Variants in MYOM2 observed in about 807,000 individuals in gnomAD.
MYOM2 encodes myomesin 2.
A neutral mutation model predicts 187.6 loss-of-function variants in MYOM2; 254 were observed. The observed-to-expected ratio is 1.35, with a 90% CI of 1.22 to 1.50. The LOEUF (loss-of-function observed/expected upper bound fraction) is 1.50, where lower values mean the gene tolerates loss of function less well. Among genes scored for constraint, MYOM2 ranks in the 40% most tolerant of loss-of-function variants. MYOM2 has a pLI of 0.00. For missense variants in MYOM2, 2,796 were observed against 1,924.0 expected (o/e 1.45, Z -8.48); for synonymous variants, 981 against 753.8 (o/e 1.30, Z -4.94).
intron 14 of MYOM2, among the ~76,000 whole-genome samples, chr8:2,086,323 CTG>C (rs1796046337): frequency 3.2e-5 from 3 of 92,406 alleles, no homozygotes; most frequent in Non-Finnish European, 6.5e-5. Flanking sequence ...GTCGTGATCT[CTG>C]CGTGGCCCCC....
intron 3 of MYOM2, among the ~76,000 whole-genome samples, chr8:2,054,968 C>A (rs1047775297): frequency 1.2e-4 from 15 of 126,808 alleles, no homozygotes; most frequent in Middle Eastern, 4.1e-3. Flanking sequence ...ACTGGGGGAA[C>A]CAAGTACCTG....
chr8:2,062,948 A>T (rs1303335670), intron 6 of MYOM2, among the ~76,000 whole-genome samples: 1 of 152,228 alleles, frequency 6.6e-6, no homozygotes, highest in Non-Finnish European at 1.5e-5. Flanking sequence ...AACGGAATGG[A>T]CTAATTTGTG....
In MYOM2 at chr8:2,109,410, C is replaced by T. The variant is rs201134786; in HGVS notation, c.3059C>T (p.Ser1020Leu). The change falls in exon 25 of 37, where the codon TCG (serine) becomes TTG (leucine). Residue 1020 changes from serine to leucine, a missense_variant. By Grantham distance (145) the Ser-to-Leu change is moderately radical. Coordinates refer to ENST00000262113, the MANE Select transcript of MYOM2 (RefSeq NM_003970.4). Reference sequence around the variant, plus strand: ...CTTCCTGTAGCAATTCCTCTGAAATCGGAATTAGCTTATGAGATTTTTGAT... The same window carrying T: ...CTTCCTGTAGCAATTCCTCTGAAATTGGAATTAGCTTATGAGATTTTTGAT... ...EIKNPTIPLK[S>L]ELAYEIFDKG... The T allele has an allele frequency of 2.0e-5, 32 of 1,605,878 alleles. No individual in the cohort carries two copies. The Admixed American group carries it at 4.1e-4, about 21-fold the overall frequency.
rs746368106 is a variant in MYOM2 at position 2,052,248 on chromosome 8, C to T, written c.198C>T (p.Thr66=). Residue 66 remains threonine, a synonymous_variant, in exon 3 of 37, where the codon ACC becomes ACT. Coordinates refer to ENST00000262113, the MANE Select transcript of MYOM2 (RefSeq NM_003970.4). The part of the protein sequence containing the change: ...RASSQTSLGG[T]ICRVCAKRVS... Reference sequence around the variant, plus strand: ...CCAGCCAGACGTCCCTGGGAGGAACCATCTGCAGGGTCTGTGCGAAGCGAG... The same window carrying T: ...CCAGCCAGACGTCCCTGGGAGGAACTATCTGCAGGGTCTGTGCGAAGCGAG... The T allele has an allele frequency of 1.9e-6, 3 of 1,613,204 alleles. No individual in the cohort carries two copies. The South Asian group carries it at 3.3e-5, about 18-fold the overall frequency.
chr8:2,126,776 A>T, intron 31 of MYOM2, among the ~76,000 whole-genome samples: 1 of 39,420 alleles, frequency 2.5e-5, no homozygotes, highest in African/African-American at 1.3e-4. Flanking sequence ...GTACTAGGAG[A>T]GGCTGATGGA....
intron 25 of MYOM2, among the ~76,000 whole-genome samples, chr8:2,113,501 C>T (rs1296394326): frequency 6.6e-6 from 1 of 152,066 alleles, no homozygotes; most frequent in Non-Finnish European, 1.5e-5. Context: ...TGTGGCTGCA[C>T]CAAGGCAGGG....
intron 13 of MYOM2, 151 bp from the exon 14 acceptor site, chr8:2,085,112 A>G (rs1168019401): frequency 3.5e-6 from 3 of 863,506 alleles, no homozygotes; most frequent in Non-Finnish European, 5.2e-6. Context: ...CTCTGGTTCC[A>G]AGGAAGCATC....
chr8:2,117,564 C>A (rs1248150390), intron 27 of MYOM2, among the ~76,000 whole-genome samples: 1 of 152,066 alleles, frequency 6.6e-6, no homozygotes, highest in African/African-American at 2.4e-5. Flanking sequence ...ATTTCAATAG[C>A]CTCCTTTCTG....
chr8:2,052,872 A>G (rs539211056), intron 3 of MYOM2, among the ~76,000 whole-genome samples: 1 of 152,368 alleles, frequency 6.6e-6, no homozygotes, highest in Non-Finnish European at 1.5e-5. Flanking sequence ...AAGGGATTCT[A>G]TAAATTGTCA....
chr8:2,137,680 CAACAG>C (rs1798129707), intron 32 of MYOM2, among the ~76,000 whole-genome samples: 1 of 152,122 alleles, frequency 6.6e-6, no homozygotes, highest in Non-Finnish European at 1.5e-5. Flanking sequence ...TTCTGACTCT[CAACAG>C]AAGAGTTCCA....
At chr8:2,123,471 CA>C in intron 29 of MYOM2, 83 bp from the exon 30 acceptor site, 1 of 1,484,332 alleles carries the variant, frequency 6.7e-7, no homozygotes, top group South Asian at 1.2e-5. Context: ...CGGTGGTTTG[CA>C]AAGAAAATGT....
intron 13 of MYOM2, among the ~76,000 whole-genome samples, chr8:2,084,579 A>T (rs1205690488): frequency 6.6e-6 from 1 of 152,204 alleles, no homozygotes; most frequent in East Asian, 1.9e-4. Flanking sequence ...TTCAAACAGA[A>T]ATCCCCACAC....
intron 32 of MYOM2, among the ~76,000 whole-genome samples, chr8:2,129,684 A>G (rs1797784033): frequency 6.6e-6 from 1 of 152,210 alleles, no homozygotes; most frequent in Non-Finnish European, 1.5e-5. Flanking sequence ...CTGAAGACAC[A>G]GCAAGGTTTT....
chr8:2,067,703 C>T (rs1027451977), intron 6 of MYOM2, among the ~76,000 whole-genome samples: 6 of 152,056 alleles, frequency 3.9e-5, no homozygotes, highest in African/African-American at 1.4e-4. Flanking sequence ...GACCCACCCC[C>T]ACAGGTACTT....
In MYOM2 at chr8:2,140,804, T is replaced by C. The variant is rs3736656; in HGVS notation, c.3882T>C (p.Thr1294=). 2.4e-3 allele frequency: 3,932 copies of C among 1,613,370 alleles called. 61 individuals are homozygous for C. The East Asian group carries it at 0.035, about 14-fold the overall frequency. The change falls in exon 33 of 37, where the codon ACT becomes ACC. Residue 1294 remains threonine, a synonymous_variant. Coordinates refer to ENST00000262113, the MANE Select transcript of MYOM2 (RefSeq NM_003970.4). ...CTTGGCTGCAGATATGTGAGCCGACTGAGAAGGATAAAGGAAAATACACTT... is the reference window on the plus strand; with the variant it reads ...CTTGGCTGCAGATATGTGAGCCGACCGAGAAGGATAAAGGAAAATACACTT... The part of the protein sequence containing the change: ...EMAWLQICEP[T]EKDKGKYTFE...
At chr8:2,143,291 CAT>C in intron 35 of MYOM2, 108 bp from the exon 36 acceptor site, 1 of 1,230,738 alleles carries the variant, frequency 8.1e-7, no homozygotes. Flanking sequence ...CTCTCCTGAG[CAT>C]AAACTCCTCA....
At chr8:2,050,487 T>G (rs1394395974) in intron 1 of MYOM2, among the ~76,000 whole-genome samples, 3 of 152,252 alleles carry the variant, frequency 2.0e-5, no homozygotes, top group Non-Finnish European at 4.4e-5. Context: ...TAGGAATACT[T>G]GTTGAGTTCA....
At chr8:2,116,365 C>G in intron 27 of MYOM2, 90 bp downstream of exon 27, 1 of 1,258,790 alleles carries the variant, frequency 7.9e-7, no homozygotes, top group Non-Finnish European at 1.1e-6. Context: ...TTGCATGATC[C>G]CAAGCAACCC....
intron 28 of MYOM2, chr8:2,118,746 G>T: frequency 6.5e-6 from 1 of 152,856 alleles, no homozygotes; most frequent in Non-Finnish European, 1.5e-5. Flanking sequence ...CCAGAGGCTG[G>T]CCATGGACTG....
Sources: gnomAD v4.1 joint callset for allele counts (sites outside exome capture counted in the v4.1 genomes callset) on GRCh38, gnomAD v4.1.1 for gene constraint, MANE v1.5 for transcripts, NCBI Gene and HGNC (gene_info 2026-07-23, HGNC 2026-07-21) for gene names.